Variants in SLC4A10 observed in about 807,000 individuals in gnomAD.
SLC4A10 encodes the protein sodium-driven chloride bicarbonate exchanger.
A neutral mutation model predicts 137.7 loss-of-function variants in SLC4A10; 42 were observed. The observed-to-expected ratio is 0.30, with a 90% CI of 0.24 to 0.39. SLC4A10 has a LOEUF of 0.39. Among genes scored for constraint, SLC4A10 ranks in the 10% least tolerant of loss-of-function variants. The pLI is 1.00. For synonymous variants in SLC4A10, 474 were observed against 464.1 expected, an observed-to-expected ratio of 1.02 and a Z score of -0.27; for missense variants, 925 against 1,355.0, an observed-to-expected ratio of 0.68 and a Z score of 4.98.
In SLC4A10 at chr2:161,965,128, G is replaced by A. The variant is rs752841128; in HGVS notation, c.3114G>A (p.Leu1038=). The A allele has an allele frequency of 1.2e-6, 2 of 1,612,414 alleles. No homozygotes were observed. The highest frequency in any genetic ancestry group is 2.2e-5 in the South Asian group (2 of 90,908). ...TKRELSWLDD[L]MPESKKKKLE... is the part of the protein sequence containing the mutation. The stretch of plus-strand genomic sequence containing the variant: ...GGGAACTCAGCTGGTTGGATGATTT[G>A]ATGCCCGAGAGTAAGAAAAAGAAAC... Residue 1038 remains leucine, a synonymous_variant, in exon 23 of 27, where the codon TTG becomes TTA. Coordinates refer to ENST00000446997, the MANE Select transcript of SLC4A10 (RefSeq NM_001178015.2).
At chr2:161,895,846 T>C (rs2063433701) in intron 11 of SLC4A10, among the ~76,000 whole-genome samples, 1 of 152,180 alleles carries the variant, frequency 6.6e-6, no homozygotes, top group African/African-American at 2.4e-5. Flanking sequence ...GTGAAAATTT[T>C]CTTCCATTTT....
At chr2:161,805,507 T>C (rs2055843692) in intron 3 of SLC4A10, among the ~76,000 whole-genome samples, 1 of 152,184 alleles carries the variant, frequency 6.6e-6, no homozygotes, top group African/African-American at 2.4e-5. Flanking sequence ...AAAAGCAAGC[T>C]AGTTACTTCC....
intron 1 of SLC4A10, among the ~76,000 whole-genome samples, chr2:161,741,232 C>T (rs138890472): frequency 0.011 from 1,550 of 147,406 alleles, 22 homozygotes; most frequent in Middle Eastern, 0.042. Flanking sequence ...CATTGCACTC[C>T]GGCCTGTGTT....
intron 4 of SLC4A10, among the ~76,000 whole-genome samples, chr2:161,843,762 T>A (rs2059333180): frequency 6.6e-6 from 1 of 152,258 alleles, no homozygotes; most frequent in Admixed American, 6.5e-5. Context: ...TTTCTTTTGA[T>A]TAGTATTCCA....
chr2:161,966,894 A>G (rs1697705156), intron 23 of SLC4A10, among the ~76,000 whole-genome samples: 1 of 152,204 alleles, frequency 6.6e-6, no homozygotes, highest in South Asian at 2.1e-4. Context: ...ACACTAGAAC[A>G]CAGAAATTCT....
chr2:161,681,014 T>C (rs766782679), intron 1 of SLC4A10, among the ~76,000 whole-genome samples: 4 of 152,166 alleles, frequency 2.6e-5, no homozygotes, highest in Non-Finnish European at 4.4e-5. Flanking sequence ...TTAACTTTCC[T>C]AAGTTCAGTA....
At chr2:161,669,826 G>C (rs978842780) in intron 1 of SLC4A10, among the ~76,000 whole-genome samples, 4 of 151,954 alleles carry the variant, frequency 2.6e-5, no homozygotes, top group African/African-American at 4.8e-5. Flanking sequence ...GCCTCCAATT[G>C]GGTGACACAG....
intron 1 of SLC4A10, among the ~76,000 whole-genome samples, chr2:161,693,171 A>G (rs1372884993): frequency 6.6e-6 from 1 of 152,002 alleles, no homozygotes; most frequent in African/African-American, 2.4e-5. Flanking sequence ...CTTCTTTACG[A>G]TTTCAAAACT....
chr2:161,784,490 A>G (rs910499878), intron 2 of SLC4A10, among the ~76,000 whole-genome samples: 23 of 151,944 alleles, frequency 1.5e-4, no homozygotes, highest in African/African-American at 4.8e-4. Context: ...AATAGATCAC[A>G]TATTAAGCTG....
chr2:161,649,580 C>T (rs1021767253), intron 1 of SLC4A10, among the ~76,000 whole-genome samples: 3 of 151,880 alleles, frequency 2.0e-5, no homozygotes, highest in African/African-American at 7.3e-5. Context: ...TATTTCAAAT[C>T]TCATTTTCTA....
At chr2:161,776,057 A>G (rs1427541574) in intron 2 of SLC4A10, among the ~76,000 whole-genome samples, 2 of 151,906 alleles carry the variant, frequency 1.3e-5, no homozygotes, top group Non-Finnish European at 2.9e-5. Context: ...ATAGCATAAG[A>G]TTTACTATCT....
intron 15 of SLC4A10, among the ~76,000 whole-genome samples, chr2:161,919,166 C>G (rs1168956226): frequency 6.6e-6 from 1 of 152,196 alleles, no homozygotes; most frequent in Admixed American, 6.5e-5. Flanking sequence ...TCAGCCCTCT[C>G]TGGACTTTGT....
At chr2:161,640,750 C>A (rs11888591) in intron 1 of SLC4A10, among the ~76,000 whole-genome samples, 12 of 151,866 alleles carry the variant, frequency 7.9e-5, no homozygotes, top group African/African-American at 2.9e-4. Flanking sequence ...ACTGCAGCCT[C>A]TGAATCCTGG....
At chr2:161,641,001 A>C (rs1218712059) in intron 1 of SLC4A10, among the ~76,000 whole-genome samples, 1 of 152,168 alleles carries the variant, frequency 6.6e-6, no homozygotes, top group African/African-American at 2.4e-5. Context: ...CTCCAGCCTC[A>C]TCATTACAGA....
chr2:161,729,876 C>T (rs1049674034), intron 1 of SLC4A10, among the ~76,000 whole-genome samples: 2 of 152,158 alleles, frequency 1.3e-5, no homozygotes, highest in African/African-American at 4.8e-5. Flanking sequence ...GGTGAGGCCA[C>T]GTCAGTTTGG....
chr2:161,626,028 C>A (rs1218165326), intron 1 of SLC4A10, among the ~76,000 whole-genome samples: 1 of 152,074 alleles, frequency 6.6e-6, no homozygotes, highest in Non-Finnish European at 1.5e-5. Flanking sequence ...TGAACAAATA[C>A]ATAAATTAGG....
chr2:161,861,237 A>C (rs1292707666), intron 5 of SLC4A10, among the ~76,000 whole-genome samples: 1 of 152,244 alleles, frequency 6.6e-6, no homozygotes, highest in Admixed American at 6.5e-5. Context: ...GATTGGTTCA[A>C]GATGGGCAGG....
chr2:161,817,028 A>G (rs1341128279), intron 3 of SLC4A10, among the ~76,000 whole-genome samples: 1 of 152,112 alleles, frequency 6.6e-6, no homozygotes, highest in African/African-American at 2.4e-5. Context: ...TGGTATTTCT[A>G]GTTCTAGATC....
intron 3 of SLC4A10, among the ~76,000 whole-genome samples, chr2:161,822,480 C>T (rs942161092): frequency 7.9e-5 from 12 of 152,120 alleles, no homozygotes; most frequent in Non-Finnish European, 1.6e-4. Flanking sequence ...ACTCTAGAAT[C>T]ACAAATTGTG....
Sources: allele counts gnomAD v4.1 joint callset (sites outside exome capture counted in the v4.1 genomes callset), GRCh38; gene constraint gnomAD v4.1.1; transcripts MANE v1.5; gene names NCBI Gene and HGNC (gene_info 2026-07-23, HGNC 2026-07-21).